MOK: variants seen among roughly 807,000 people sequenced by gnomAD.
MOK encodes the protein MOK protein kinase.
In MOK, 59 loss-of-function variants were observed where a neutral mutation model predicts 54.2. The observed-to-expected ratio is 1.09, with a 90% CI of 0.88 to 1.35. MOK has a LOEUF of 1.35. MOK is among the 40% of genes most tolerant of loss of function. The pLI, the probability that MOK is intolerant of heterozygous loss-of-function variation, is 0.00. For synonymous variants in MOK, 210 were observed against 202.7 expected (o/e 1.04, Z -0.31); for missense variants, 517 against 526.2 (o/e 0.98, Z 0.17).
At chr14:102,216,466 G>A in the MOK span, among the ~76,000 whole-genome samples, 1 of 152,088 alleles carries the variant, frequency 6.6e-6, no homozygotes, top group Admixed American at 6.5e-5. Flanking sequence ...TAATTTTTGT[G>A]TATTTTTATT....
downstream of MOK, among the ~76,000 whole-genome samples, chr14:102,227,386 C>G (rs1479897306): frequency 6.6e-6 from 1 of 150,832 alleles, no homozygotes; most frequent in African/African-American, 2.4e-5. Flanking sequence ...TGCTGCTGGG[C>G]TCTGCCCACG....
chr14:102,269,903 C>G (rs933304058), intron 2 of MOK, among the ~76,000 whole-genome samples: 1 of 152,194 alleles, frequency 6.6e-6, no homozygotes, highest in Non-Finnish European at 1.5e-5. Context: ...TACAGAAGAT[C>G]TTAACAGCAT....
At chr14:102,271,160 G>C (rs75465334) in intron 2 of MOK, among the ~76,000 whole-genome samples, 1 of 152,182 alleles carries the variant, frequency 6.6e-6, no homozygotes, top group Non-Finnish European at 1.5e-5. Context: ...ATTCCAGCCT[G>C]GATGACAGAG....
chr14:102,232,495 G>C lies in MOK; in HGVS notation c.866+40C>G. 2 of 1,586,378 alleles carry C rather than the reference G, an allele frequency of 1.3e-6. No individual in the cohort carries two copies. The highest frequency in any genetic ancestry group is 1.7e-6 in the Non-Finnish European group (2 of 1,163,030). On this transcript the variant is annotated intron_variant, in intron 9 of 11. Coordinates refer to ENST00000361847, the MANE Select transcript of MOK (RefSeq NM_014226.3). The surrounding 1 kb of genome is among the most constrained non-coding windows in gnomAD (Gnocchi z 5.1). ...ATGTGCCCATGGGTCTCATTTGCCA[G>C]GTCCTGCATCTGCCCCACCGAACCC...
chr14:102,247,118 T>A (rs934924510), intron 7 of MOK, among the ~76,000 whole-genome samples: 1 of 151,918 alleles, frequency 6.6e-6, no homozygotes, highest in African/African-American at 2.4e-5. Context: ...ATCCCAACAT[T>A]CAGCAACACT....
At position 102,232,752 on chromosome 14, in the gene MOK, G is replaced by A. The variant is rs906609709; in HGVS notation, c.693-44C>T. 2 of 1,554,308 alleles carry A rather than the reference G, an allele frequency of 1.3e-6. No individual in the cohort carries two copies. The highest frequency in any genetic ancestry group is 1.8e-6 in the Non-Finnish European group (2 of 1,136,432). ...GATAATAAATGGTCATGCTGTCACTGAGCGCACCGGTGGTCCACTGTCACA... is the reference window on the plus strand; with the variant it reads ...GATAATAAATGGTCATGCTGTCACTAAGCGCACCGGTGGTCCACTGTCACA... On this transcript the variant is annotated intron_variant, in intron 8 of 11. Coordinates refer to ENST00000361847, the MANE Select transcript of MOK (RefSeq NM_014226.3). The surrounding 1 kb of genome is among the most constrained non-coding windows in gnomAD (Gnocchi z 5.1).
chr14:102,281,686 C>T (rs1440355592), intron 2 of MOK, among the ~76,000 whole-genome samples: 2 of 151,838 alleles, frequency 1.3e-5, no homozygotes, highest in African/African-American at 4.8e-5. Context: ...CTCTAGCAAT[C>T]CTCCTGCCTC....
chr14:102,233,932 G>T (rs952554850), intron 7 of MOK, 143 bp from the exon 8 acceptor site: 2 of 624,752 alleles, frequency 3.2e-6, no homozygotes, highest in Non-Finnish European at 5.8e-6. Context: ...AGTTCCTGCT[G>T]TTCATCTAGC....
At chr14:102,284,327 T>C (rs1228693524) in intron 1 of MOK, among the ~76,000 whole-genome samples, 2 of 152,004 alleles carry the variant, frequency 1.3e-5, no homozygotes, top group Non-Finnish European at 2.9e-5. Context: ...TGATGAAATA[T>C]CGCCCACTTA....
chr14:102,222,696 G>A, downstream of MOK: 1 of 839,484 alleles, frequency 1.2e-6, no homozygotes, highest in Non-Finnish European at 2.0e-6. The surrounding 1 kb of genome is among the most constrained non-coding windows in gnomAD (Gnocchi z 4.4). Context: ...ATGAAGTGGA[G>A]GGTTTGCTCC....
chr14:102,245,505 A>G lies in MOK; in HGVS notation c.590+5307T>C, dbSNP rs574948555. 2.0e-5 allele frequency among the ~76,000 whole-genome samples: 3 copies of G among 152,182 alleles called. No individual in the cohort carries two copies. The highest frequency in any genetic ancestry group is 4.2e-4 in the South Asian group (2 of 4,812). On this transcript the variant is annotated intron_variant, in intron 7 of 11. Transcript: ENST00000361847. This position sits in a 1 kb window ranked among gnomAD's most constrained non-coding sequence, Gnocchi z 4.3. ...AAATGGCCGGTCCCTGCCTTAACTGATATTTCCTTGTGAAATTCCTTTTCT... is the reference window on the plus strand; with the variant it reads ...AAATGGCCGGTCCCTGCCTTAACTGGTATTTCCTTGTGAAATTCCTTTTCT...
intron 4 of MOK, 142 bp from the exon 5 acceptor site, chr14:102,252,137 A>T: frequency 1.6e-6 from 1 of 613,424 alleles, no homozygotes; most frequent in Non-Finnish European, 2.8e-6. Context: ...GTCTTAGGAA[A>T]TATGTAGTGT....
downstream of MOK, chr14:102,226,435 T>C (rs2153076786): frequency 1.4e-6 from 1 of 702,830 alleles, no homozygotes; most frequent in Non-Finnish European, 2.6e-6. The surrounding 1 kb of genome is among the most constrained non-coding windows in gnomAD (Gnocchi z 4.8). Flanking sequence ...AGCGCTTCAA[T>C]TGCATTGCAC....
intron 1 of MOK, 78 bp from the exon 2 acceptor site, chr14:102,283,670 A>C (rs895579262): frequency 1.2e-6 from 1 of 836,978 alleles, no homozygotes; most frequent in Non-Finnish European, 1.9e-6. Context: ...GCAAACTTTT[A>C]ATCTATAAGA....
intron 1 of MOK, among the ~76,000 whole-genome samples, chr14:102,301,010 G>A (rs975828318): frequency 1.3e-5 from 2 of 152,124 alleles, no homozygotes; most frequent in African/African-American, 4.8e-5. Context: ...CAGGAGAATC[G>A]CTTGAACCCA....
chr14:102,294,261 A>G (rs983390374), intron 1 of MOK, among the ~76,000 whole-genome samples: 3 of 151,914 alleles, frequency 2.0e-5, no homozygotes, highest in Non-Finnish European at 2.9e-5. Context: ...CCTGGCTAAC[A>G]TGGTGAAACC....
intron 4 of MOK, among the ~76,000 whole-genome samples, chr14:102,260,436 C>T (rs548200238): frequency 6.6e-6 from 1 of 152,208 alleles, no homozygotes; most frequent in East Asian, 1.9e-4. Context: ...CAGTGCCTGG[C>T]CATATGGGTA....
At chr14:102,302,948 C>T (rs989689165) in intron 1 of MOK, among the ~76,000 whole-genome samples, 3 of 151,050 alleles carry the variant, frequency 2.0e-5, no homozygotes, top group African/African-American at 7.3e-5. Context: ...GATCGCTTGA[C>T]GTCAGGAGTT....
In MOK at chr14:102,253,268, C is replaced by T. The variant is rs183631094; in HGVS notation, c.284-1273G>A. Among the ~76,000 whole-genome samples the T allele has an allele frequency of 5.0e-3, 763 of 152,262 alleles. 9 individuals are homozygous for T. The highest frequency in any genetic ancestry group is 0.017 in the African/African-American group (712 of 41,548). Reference sequence around the variant, plus strand: ...TACATACAATGTGTAAGGATGAAATCGGGGCAATTAGCACATGCGTCAGCT... The same window carrying T: ...TACATACAATGTGTAAGGATGAAATTGGGGCAATTAGCACATGCGTCAGCT... On this transcript the variant is annotated intron_variant, in intron 4 of 11. Coordinates refer to ENST00000361847, the MANE Select transcript of MOK (RefSeq NM_014226.3).
Sources: gnomAD v4.1 joint callset for allele counts (sites outside exome capture counted in the v4.1 genomes callset) on GRCh38, gnomAD v4.1.1 for gene constraint, Gnocchi (gnomAD v3.1) non-coding constraint, MANE v1.5 for transcripts, NCBI Gene and HGNC (gene_info 2026-07-23, HGNC 2026-07-21) for gene names.